ACVR1: variants seen among roughly 807,000 people sequenced by gnomAD.
ACVR1 encodes the protein activin A receptor type 1, also known as activin receptor type-1.
A neutral mutation model predicts 57.1 loss-of-function variants in ACVR1; 38 were observed. The observed-to-expected ratio is 0.67, with a 90% CI of 0.51 to 0.87. The LOEUF is 0.87. Ranked by LOEUF, ACVR1 falls within the 40% of genes least tolerant of loss-of-function variation. The pLI, the probability that ACVR1 is intolerant of heterozygous loss-of-function variation, is 0.00. For synonymous variants in ACVR1, 212 were observed against 228.1 expected, an observed-to-expected ratio of 0.93 and a Z score of 0.63; for missense variants, 463 against 638.2, an observed-to-expected ratio of 0.73 and a Z score of 2.96.
intron 9 of ACVR1, among the ~76,000 whole-genome samples, chr2:157,757,739 C>T (rs1156406857): frequency 6.6e-6 from 1 of 151,772 alleles, no homozygotes; most frequent in East Asian, 1.9e-4. Context: ...ACTGGCCCTA[C>T]AAGAAACACA....
chr2:157,821,305 C>T (rs1241861101), intron 1 of ACVR1, among the ~76,000 whole-genome samples: 1 of 152,092 alleles, frequency 6.6e-6, no homozygotes, highest in East Asian at 1.9e-4. Context: ...GTGGGTGGAC[C>T]ACCTGAGGTC....
chr2:157,855,406 G>A lies in ACVR1; in HGVS notation c.-183+20390C>T, dbSNP rs953486026. Among the ~76,000 whole-genome samples, 4 of 149,570 alleles carry A rather than the reference G, an allele frequency of 2.7e-5. No homozygotes were observed. In the South Asian group the frequency reaches 8.5e-4, roughly 32 times the overall value. On this transcript the variant is annotated intron_variant, in intron 1 of 10. Coordinates refer to ENST00000434821, the MANE Select transcript of ACVR1 (RefSeq NM_001111067.4). ...TCCCAGCTATTCAGGAGGCTGACAT[G>A]GGAGGATCACTTTAGCCCAAAAAGT...
intron 3 of ACVR1, among the ~76,000 whole-genome samples, chr2:157,792,435 C>T (rs767072416): frequency 7.2e-5 from 11 of 152,174 alleles, no homozygotes; most frequent in Non-Finnish European, 1.6e-4. Context: ...CCTCCCAAAT[C>T]ACTGACTTAA....
At chr2:157,844,674 T>C (rs1324606593) in intron 1 of ACVR1, among the ~76,000 whole-genome samples, 1 of 152,120 alleles carries the variant, frequency 6.6e-6, no homozygotes, top group Non-Finnish European at 1.5e-5. Flanking sequence ...TGCTAGGAAT[T>C]GAGGGTTTCA....
At chr2:157,789,514 G>A (rs998121080) in intron 3 of ACVR1, among the ~76,000 whole-genome samples, 4 of 152,208 alleles carry the variant, frequency 2.6e-5, no homozygotes, top group African/African-American at 9.7e-5. Flanking sequence ...TCTACAAAGG[G>A]TCACTTTTAA....
chr2:157,867,569 G>C (rs1380635600), intron 1 of ACVR1, among the ~76,000 whole-genome samples: 2 of 152,154 alleles, frequency 1.3e-5, no homozygotes, highest in Non-Finnish European at 2.9e-5. Flanking sequence ...TTTCTTGCAG[G>C]AAGGAATATG....
At chr2:157,866,936 C>T (rs1386490298) in intron 1 of ACVR1, among the ~76,000 whole-genome samples, 1 of 152,172 alleles carries the variant, frequency 6.6e-6, no homozygotes, top group African/African-American at 2.4e-5. Context: ...CATTCTCATC[C>T]TCTCACCAAT....
At chr2:157,861,866 G>C (rs1261789649) in intron 1 of ACVR1, among the ~76,000 whole-genome samples, 2 of 152,084 alleles carry the variant, frequency 1.3e-5, no homozygotes, top group African/African-American at 4.8e-5. Flanking sequence ...TGAAATTAAA[G>C]CTAGTTACTT....
intron 2 of ACVR1, among the ~76,000 whole-genome samples, chr2:157,815,826 G>A (rs1038348902): frequency 7.2e-5 from 11 of 152,178 alleles, no homozygotes; most frequent in Non-Finnish European, 1.2e-4. Flanking sequence ...GCCCCAAGCC[G>A]TGCATCGTCT....
At chr2:157,862,453 A>G (rs559134737) in intron 1 of ACVR1, among the ~76,000 whole-genome samples, 134 of 149,264 alleles carry the variant, frequency 9.0e-4, no homozygotes, top group African/African-American at 3.2e-3. Flanking sequence ...ACACACACAC[A>G]CACACAGAGT....
rs781400903 is a variant in ACVR1 at position 157,780,380 on chromosome 2, C to T, written c.288G>A (p.Gly96=). The stretch of plus-strand genomic sequence containing the variant: ...CCGTGATGTTCCTGTTACACCAGTC[C>T]CCTTGGCAGCACTCCACGGCTTGGC... ...SPGQAVECCQ[G]DWCNRNITAQ... is the part of the protein sequence containing the mutation. The change falls in exon 4 of 11, where the codon GGG becomes GGA. Residue 96 remains glycine (G), a synonymous_variant. Transcript: ENST00000434821. 72 of 1,614,018 alleles carry T rather than the reference C, an allele frequency of 4.5e-5. No homozygotes were observed. The South Asian group carries it at 7.6e-4, about 17-fold the overall frequency.
At position 157,780,347 on chromosome 2, in the gene ACVR1, C is replaced by T; in HGVS notation, c.321G>A (p.Leu107=). ...DWCNRNITAQ[L]PTKGKSFPGT... ...AAAGTCCATGGGAACCTTTAGTGGGCAGCTGGGCCGTGATGTTCCTGTTAC... is the reference window on the plus strand; with the variant it reads ...AAAGTCCATGGGAACCTTTAGTGGGTAGCTGGGCCGTGATGTTCCTGTTAC... The change falls in exon 4 of 11, where the codon CTG becomes CTA. Residue 107 remains leucine, a synonymous_variant. Transcript: ENST00000434821. The T allele has an allele frequency of 6.2e-7, 1 of 1,614,194 alleles. No individual in the cohort carries two copies.
chr2:157,820,402 C>A (rs925333471), intron 1 of ACVR1, among the ~76,000 whole-genome samples: 1 of 152,184 alleles, frequency 6.6e-6, no homozygotes, highest in Non-Finnish European at 1.5e-5. Flanking sequence ...TCCCCTCTGC[C>A]AAAGTCTAAC....
At chr2:157,828,298 A>C (rs545973554) in intron 1 of ACVR1, among the ~76,000 whole-genome samples, 118 of 152,130 alleles carry the variant, frequency 7.8e-4, no homozygotes, top group Admixed American at 1.6e-3. Flanking sequence ...AATACAAAAA[A>C]AATTAGCCAA....
At position 157,762,313 on chromosome 2, in the gene ACVR1, G is replaced by T. The variant is rs973157342; in HGVS notation, c.1067-1236C>A. Among the ~76,000 whole-genome samples the T allele has an allele frequency of 9.2e-5, 14 of 152,092 alleles. 1 individual carries two copies. Among genetic ancestry groups the T allele is most frequent in the Admixed American group, 8.5e-4 (13 of 15,266 alleles). On this transcript the variant is annotated intron_variant, in intron 8 of 10. Coordinates refer to ENST00000434821, the MANE Select transcript of ACVR1 (RefSeq NM_001111067.4). Reference sequence around the variant, plus strand: ...ATACTGCTATCATTGTTCCATTTTAGTGTTACTAATGTTCATCTTTTACTG... The same window carrying T: ...ATACTGCTATCATTGTTCCATTTTATTGTTACTAATGTTCATCTTTTACTG...
intron 1 of ACVR1, among the ~76,000 whole-genome samples, chr2:157,853,129 T>C (rs59203815): frequency 0.069 from 10,517 of 152,296 alleles, 526 homozygotes; most frequent in African/African-American, 0.14. Flanking sequence ...CTTGAATTAC[T>C]ATAATATCCT....
chr2:157,755,330 T>G (rs1203308362), intron 9 of ACVR1, among the ~76,000 whole-genome samples: 1 of 152,052 alleles, frequency 6.6e-6, no homozygotes, highest in African/African-American at 2.4e-5. Context: ...TGTCGCTGTT[T>G]GCTGATGATA....
chr2:157,770,977 T>C (rs951517258), intron 6 of ACVR1, among the ~76,000 whole-genome samples: 1 of 152,234 alleles, frequency 6.6e-6, no homozygotes, highest in South Asian at 2.1e-4. Context: ...AGGATCAACA[T>C]AGGCACTGTC....
At chr2:157,801,731 CTTAT>C (rs1559065567) in intron 2 of ACVR1, among the ~76,000 whole-genome samples, 1 of 152,030 alleles carries the variant, frequency 6.6e-6, no homozygotes, top group African/African-American at 2.4e-5. Context: ...ATAATATGTA[CTTAT>C]TTATTTTATA....
Sources: gnomAD v4.1 joint callset for allele counts (sites outside exome capture counted in the v4.1 genomes callset) on GRCh38, gnomAD v4.1.1 for gene constraint, MANE v1.5 for transcripts, NCBI Gene and HGNC (gene_info 2026-07-23, HGNC 2026-07-21) for gene names.